The following THRAP3 variants were observed in gnomAD, a reference collection of about 807,000 sequenced individuals.
THRAP3 encodes the protein thyroid hormone receptor associated protein 3.
THRAP3 carries 16 observed loss-of-function variants against 101.0 expected under a neutral mutation model. The ratio of observed to expected loss-of-function variants is 0.16; its 90% CI spans 0.11 to 0.24. The LOEUF (loss-of-function observed/expected upper bound fraction) is 0.24. Among genes scored for constraint, THRAP3 ranks in the 10% least tolerant of loss-of-function variants. The pLI is 1.00. For missense variants in THRAP3, 989 were observed against 1,202.7 expected (o/e 0.82, Z 2.63); for synonymous variants, 407 against 422.6 (o/e 0.96, Z 0.45).
intron 7 of THRAP3, 33 bp downstream of exon 7, chr1:36,292,742 A>T: frequency 6.6e-7 from 1 of 1,514,664 alleles, no homozygotes; most frequent in East Asian, 2.3e-5. Flanking sequence ...GGAGGTTGTA[A>T]TAAAAGACTT....
At chr1:36,234,024 C>T (rs984103095) in intron 1 of THRAP3, among the ~76,000 whole-genome samples, 3 of 151,856 alleles carry the variant, frequency 2.0e-5, no homozygotes, top group Non-Finnish European at 2.9e-5. Context: ...GGCGTGATCA[C>T]GGCTAACCTC....
chr1:36,287,427 A>C, intron 4 of THRAP3, 157 bp downstream of exon 4: 1 of 983,062 alleles, frequency 1.0e-6, no homozygotes, highest in Non-Finnish European at 1.2e-6. Context: ...CACCCAAGGA[A>C]ACCTTTAGGT....
upstream of THRAP3, among the ~76,000 whole-genome samples, chr1:36,221,186 C>CAA (rs769615426): frequency 0.027 from 1,221 of 45,188 alleles, 44 homozygotes; most frequent in African/African-American, 0.083. Flanking sequence ...GACCCTATCT[C>CAA]AAAAAAAAAA....
chr1:36,293,640 C>CTCTGTGTGTGTGTG (rs1553125101), intron 7 of THRAP3, among the ~76,000 whole-genome samples: 1 of 133,314 alleles, frequency 7.5e-6, no homozygotes, highest in African/African-American at 2.8e-5. Context: ...GAACCTGGGA[C>CTCTGTGTGTGTGTG]TGTGTGTGTG....
At chr1:36,293,474 GTT>G (rs1342938837) in intron 7 of THRAP3, among the ~76,000 whole-genome samples, 2 of 152,204 alleles carry the variant, frequency 1.3e-5, no homozygotes, top group Non-Finnish European at 2.9e-5. Context: ...AGCCCAGCAG[GTT>G]TAAAGACTAT....
upstream of THRAP3, among the ~76,000 whole-genome samples, chr1:36,221,186 C>CAAA (rs769615426): frequency 2.4e-4 from 11 of 45,300 alleles, no homozygotes; most frequent in African/African-American, 5.9e-4. Context: ...GACCCTATCT[C>CAAA]AAAAAAAAAA....
At chr1:36,213,985 GAAAGAAAGAAAGGAAAGAAA>G in the THRAP3 span, among the ~76,000 whole-genome samples, 1 of 91,610 alleles carries the variant, frequency 1.1e-5, no homozygotes, top group Non-Finnish European at 2.1e-5. Context: ...AAGAAAGAAA[GAAAGAAAGAAAGGAAAGAAA>G]GAAAGAAAGA....
chr1:36,252,678 C>T lies in THRAP3; in HGVS notation c.-134-6704C>T, dbSNP rs532475289. Among the ~76,000 whole-genome samples the T allele has an allele frequency of 1.6e-4, 24 of 151,690 alleles. No individual in the cohort carries two copies. In the East Asian group the frequency reaches 3.5e-3, roughly 22 times the overall value. On this transcript the variant is annotated intron_variant, in intron 1 of 11. Coordinates refer to ENST00000354618, the MANE Select transcript of THRAP3 (RefSeq NM_005119.4). ...ATCCCAGCGCTTTGGGAGGCTGAGG[C>T]GGGCAGATCACCTGAGGTCAGTTCG...
At position 36,287,155 on chromosome 1, in the gene THRAP3, C is replaced by T. The variant is rs1645807215; in HGVS notation, c.925C>T (p.Leu309=). Residue 309 remains leucine (L), a synonymous_variant, in exon 4 of 12, where the codon CTG becomes TTG. Transcript: ENST00000354618. ...QGQFDHGSGS[L]SPSKKSPVGK... ...TCAGTTCGACCATGGTTCTGGGTCC[C>T]TGAGTCCATCCAAAAAGAGCCCTGT... The T allele has an allele frequency of 6.2e-7, 1 of 1,614,198 alleles. No individual in the cohort carries two copies. Among genetic ancestry groups the T allele is most frequent in the Non-Finnish European group, 8.5e-7 (1 of 1,180,034 alleles).
the THRAP3 span, among the ~76,000 whole-genome samples, chr1:36,215,910 C>T: frequency 9.6e-3 from 1,455 of 151,978 alleles, 16 homozygotes; most frequent in African/African-American, 0.034. Context: ...CCATCACGCC[C>T]GGCTAATTTT....
At chr1:36,302,336 C>T (rs1030627650) in intron 11 of THRAP3, among the ~76,000 whole-genome samples, 4 of 152,218 alleles carry the variant, frequency 2.6e-5, no homozygotes, top group African/African-American at 9.7e-5. Context: ...GCCAAAATGG[C>T]TGGAATGGAT....
chr1:36,259,671 CAGA>C (rs777949205), intron 2 of THRAP3, among the ~76,000 whole-genome samples, 187 bp downstream of exon 2: 11 of 150,424 alleles, frequency 7.3e-5, no homozygotes, highest in African/African-American at 1.2e-4. Flanking sequence ...GAGGCTGAGG[CAGA>C]AGGATAGCTT....
intron 1 of THRAP3, among the ~76,000 whole-genome samples, chr1:36,257,759 TAATAA>T (rs1166778481): frequency 6.6e-6 from 1 of 152,216 alleles, no homozygotes; most frequent in African/African-American, 2.4e-5. Context: ...TATGATGGAG[TAATAA>T]AATGGGAGAT....
rs1553121666 is a variant in THRAP3 at position 36,270,571 on chromosome 1, G to GGTTTTTTTTTTTTTT, written c.-32+11087_-32+11088insGTTTTTTTTTTTTTT. On this transcript the variant is annotated intron_variant, in intron 2 of 11. Transcript: ENST00000354618. ...TAAAAATACAGTTCTATTTGTTTAGGTTTTTGTTTTTTTTTTTTTTTTTGA... is the reference window on the plus strand; with the variant it reads ...TAAAAATACAGTTCTATTTGTTTAGGGTTTTTTTTTTTTTTTTTTTGTTTTTTTTTTTTTTTTTGA... Among the ~76,000 whole-genome samples, 214 of 31,846 alleles carry GGTTTTTTTTTTTTTT rather than the reference G, an allele frequency of 6.7e-3. 12 individuals carry two copies. Among genetic ancestry groups the GGTTTTTTTTTTTTTT allele is most frequent in the African/African-American group, 0.015 (209 of 14,154 alleles). The allele number at this position is 31,846 out of a possible 152,430, so 20.9% of individuals were successfully genotyped here.
upstream of THRAP3, among the ~76,000 whole-genome samples, chr1:36,222,402 CT>C (rs1346914536): frequency 6.6e-6 from 1 of 151,800 alleles, no homozygotes; most frequent in Admixed American, 6.6e-5. Flanking sequence ...GCCTGTATTT[CT>C]TTTTTTCTTT....
At chr1:36,291,975 G>A (rs1049217493) in intron 6 of THRAP3, among the ~76,000 whole-genome samples, 22 of 152,208 alleles carry the variant, frequency 1.4e-4, no homozygotes, top group African/African-American at 5.1e-4. Flanking sequence ...TGGAGAAGCT[G>A]GGTTGGGCCA....
intron 2 of THRAP3, among the ~76,000 whole-genome samples, chr1:36,261,448 G>A (rs1645444746): frequency 6.6e-6 from 1 of 152,228 alleles, no homozygotes; most frequent in Admixed American, 6.5e-5. Context: ...CAGGAGAATG[G>A]CGTGAACCCG....
upstream of THRAP3, among the ~76,000 whole-genome samples, chr1:36,220,969 AAAAAT>A (rs1249137809): frequency 5.2e-5 from 7 of 135,612 alleles, no homozygotes; most frequent in African/African-American, 2.1e-4. Context: ...AAAAAAAAAA[AAAAAT>A]ATATATATAT....
the THRAP3 span, among the ~76,000 whole-genome samples, chr1:36,210,791 G>T: frequency 7.3e-3 from 870 of 119,886 alleles, 13 homozygotes; most frequent in African/African-American, 0.027. Context: ...TTTGGCAGTG[G>T]TTCCCAAATT....
Sources: allele counts gnomAD v4.1 joint callset (sites outside exome capture counted in the v4.1 genomes callset), GRCh38; gene constraint gnomAD v4.1.1; transcripts MANE v1.5; gene names NCBI Gene and HGNC (gene_info 2026-07-23, HGNC 2026-07-21).